The following SGCD variants were observed in gnomAD, a reference collection of about 807,000 sequenced individuals.
SGCD encodes delta-sarcoglycan.
SGCD carries 18 observed loss-of-function variants against 36.6 expected under a neutral mutation model. That is an observed-to-expected ratio of 0.49 (90% CI 0.34 to 0.73). The LOEUF is 0.73. Among genes scored for constraint, SGCD ranks in the 30% least tolerant of loss-of-function variants. The pLI, the probability that SGCD is intolerant of heterozygous loss-of-function variation, is 0.01. For missense variants in SGCD, 387 were observed against 346.7 expected, an observed-to-expected ratio of 1.12 and a Z score of -0.92; for synonymous variants, 133 against 130.6, an observed-to-expected ratio of 1.02 and a Z score of -0.12.
chr5:155,931,783 T>C (rs1757102387), intron 1 of SGCD, among the ~76,000 whole-genome samples: 5 of 152,214 alleles, frequency 3.3e-5, no homozygotes, highest in Admixed American at 2.6e-4. Context: ...TCTGTTCTTA[T>C]GCAAATCTCC....
chr5:155,773,680 G>A, the SGCD span, among the ~76,000 whole-genome samples: 2 of 152,164 alleles, frequency 1.3e-5, no homozygotes, highest in Admixed American at 1.3e-4. Context: ...GATGATGGGA[G>A]GACAGAAGGC....
intron 7 of SGCD, among the ~76,000 whole-genome samples, chr5:156,745,834 G>T (rs913823898): frequency 2.6e-5 from 4 of 151,844 alleles, no homozygotes; most frequent in African/African-American, 9.7e-5. Context: ...AAATCAATAT[G>T]AACATATATC....
chr5:155,811,863 T>G, the SGCD span, among the ~76,000 whole-genome samples: 1 of 152,242 alleles, frequency 6.6e-6, no homozygotes, highest in East Asian at 1.9e-4. Context: ...GATGGTCACA[T>G]GGGGATGAAG....
At chr5:156,479,452 C>T (rs1299876472) in intron 3 of SGCD, among the ~76,000 whole-genome samples, 1 of 152,164 alleles carries the variant, frequency 6.6e-6, no homozygotes, top group African/African-American at 2.4e-5. Context: ...TCTGCCCTGT[C>T]AGGGTCTGTT....
chr5:155,902,897 T>A (rs1175330702), intron 1 of SGCD, among the ~76,000 whole-genome samples: 1 of 152,234 alleles, frequency 6.6e-6, no homozygotes, highest in Non-Finnish European at 1.5e-5. Context: ...ACATTCCACT[T>A]ACTGTTGGTC....
the SGCD span, among the ~76,000 whole-genome samples, chr5:155,763,660 G>A: frequency 1.7e-4 from 26 of 152,252 alleles, no homozygotes; most frequent in Middle Eastern, 3.4e-3. Context: ...ATCATAGAAT[G>A]GGATATTATT....
chr5:155,796,342 CTAAA>C, the SGCD span, among the ~76,000 whole-genome samples: 1 of 152,114 alleles, frequency 6.6e-6, no homozygotes, highest in African/African-American at 2.4e-5. Flanking sequence ...ACCTCACACT[CTAAA>C]TAATCTGTGT....
At chr5:156,547,078 C>T (rs967604521) in intron 4 of SGCD, among the ~76,000 whole-genome samples, 1 of 152,122 alleles carries the variant, frequency 6.6e-6, no homozygotes, top group African/African-American at 2.4e-5. Flanking sequence ...GTTTGTGGCA[C>T]CTCTTTGCTT....
chr5:156,192,501 G>C (rs1018160822), intron 3 of SGCD, among the ~76,000 whole-genome samples: 1 of 152,074 alleles, frequency 6.6e-6, no homozygotes, highest in African/African-American at 2.4e-5. Flanking sequence ...GGAATGAAGA[G>C]AGGTAAGTTA....
intron 1 of SGCD, among the ~76,000 whole-genome samples, chr5:156,075,377 A>T (rs983520939): frequency 3.3e-5 from 5 of 151,914 alleles, no homozygotes; most frequent in Admixed American, 3.3e-4. Context: ...AACATTTGAC[A>T]TATAAAAAAT....
At chr5:156,400,461 C>A (rs1772085800) in intron 3 of SGCD, among the ~76,000 whole-genome samples, 1 of 152,144 alleles carries the variant, frequency 6.6e-6, no homozygotes, top group Non-Finnish European at 1.5e-5. Context: ...GACATCTGGA[C>A]AGATAACTAC....
At chr5:156,414,766 A>G (rs1472093723) in intron 3 of SGCD, among the ~76,000 whole-genome samples, 1 of 152,212 alleles carries the variant, frequency 6.6e-6, no homozygotes, top group Admixed American at 6.5e-5. Flanking sequence ...ATTTGGAAGG[A>G]TATGTACCAG....
chr5:156,167,369 G>A (rs1429360241), intron 3 of SGCD, among the ~76,000 whole-genome samples: 1 of 152,014 alleles, frequency 6.6e-6, no homozygotes, highest in Non-Finnish European at 1.5e-5. Context: ...GGGCATAACT[G>A]TGTTTGTCTT....
chr5:156,464,216 ATTTTTTTTTT>A lies in SGCD; in HGVS notation c.193-44372_193-44363del, dbSNP rs773294916. On this transcript the variant is annotated intron_variant, in intron 3 of 8. Transcript: ENST00000337851. The stretch of plus-strand genomic sequence containing the variant: ...GAAGAATCTAGGTTTGAATCTACAT[ATTTTTTTTTT>A]TTTTTTTTTTTTGAGAAAGAGTCTC... 3.4e-5 allele frequency among the ~76,000 whole-genome samples: 4 copies of A among 116,294 alleles called. No individual in the cohort carries two copies. In the South Asian group the frequency reaches 1.2e-3, roughly 35 times the overall value. The allele number at this position is 116,294 out of a possible 152,430, so 76.3% of individuals were successfully genotyped here.
intron 4 of SGCD, among the ~76,000 whole-genome samples, chr5:156,528,621 G>A (rs988889008): frequency 4.6e-5 from 7 of 152,106 alleles, no homozygotes; most frequent in African/African-American, 1.2e-4. Flanking sequence ...ACAGTGGCAC[G>A]AGCAGCTATG....
rs1019223254 is a variant in SGCD, at chr5:156,766,228, C to A, written c.*6838C>A. ...TCTTTGACACTATTTGGTCAGTATT[C>A]TTCTTTACCTTTACTTGTGGCAAAA... On this transcript the variant is annotated 3_prime_UTR_variant, in exon 9 of 9. Transcript: ENST00000337851. 6.6e-6 allele frequency: 1 copy of A among 152,054 alleles called. No individual in the cohort carries two copies. Among genetic ancestry groups the A allele is most frequent in the East Asian group, 1.9e-4 (1 of 5,184 alleles). The allele number at this position is 152,054 out of a possible 1,614,324, so 9.4% of individuals were successfully genotyped here.
intron 7 of SGCD, among the ~76,000 whole-genome samples, chr5:156,693,394 A>C (rs1754190342): frequency 6.6e-6 from 1 of 152,204 alleles, no homozygotes; most frequent in Admixed American, 6.6e-5. Context: ...GAAGGAGACC[A>C]GTGCCTCCTT....
At chr5:156,740,942 T>G (rs1237290348) in intron 7 of SGCD, among the ~76,000 whole-genome samples, 1 of 152,210 alleles carries the variant, frequency 6.6e-6, no homozygotes, top group Non-Finnish European at 1.5e-5. Flanking sequence ...TTTTCTAAGT[T>G]ATTTCCCTTT....
At chr5:155,796,806 C>CAAAAAA in the SGCD span, among the ~76,000 whole-genome samples, 92 of 51,318 alleles carry the variant, frequency 1.8e-3, 4 homozygotes, top group African/African-American at 5.6e-3. Context: ...AACTCCATCT[C>CAAAAAA]AAAAAAAAAA....
Sources: gnomAD v4.1 joint callset for allele counts (sites outside exome capture counted in the v4.1 genomes callset) on GRCh38, gnomAD v4.1.1 for gene constraint, MANE v1.5 for transcripts, NCBI Gene and HGNC (gene_info 2026-07-23, HGNC 2026-07-21) for gene names.